Variants in ARHGAP5 observed in about 807,000 individuals in gnomAD.
ARHGAP5 encodes the protein Rho GTPase activating protein 5, also known as rho GTPase-activating protein 5.
ARHGAP5 carries 23 observed loss-of-function variants against 116.6 expected under a neutral mutation model. The observed-to-expected ratio is 0.20, with a 90% CI of 0.14 to 0.28. The LOEUF is 0.28. ARHGAP5 is among the 10% of genes least tolerant of loss of function. The pLI is 1.00. For synonymous variants in ARHGAP5, 574 were observed against 602.0 expected, an observed-to-expected ratio of 0.95 and a Z score of 0.68; for missense variants, 1,405 against 1,774.8, an observed-to-expected ratio of 0.79 and a Z score of 3.74.
chr14:32,113,111 C>A (rs563838627), intron 2 of ARHGAP5, among the ~76,000 whole-genome samples: 1 of 152,150 alleles, frequency 6.6e-6, no homozygotes, highest in Non-Finnish European at 1.5e-5. Flanking sequence ...TGAGTTGTTA[C>A]AAGTTTATAG....
chr14:32,082,487 TATGTC>T (rs781603522), intron 1 of ARHGAP5, among the ~76,000 whole-genome samples: 8 of 152,244 alleles, frequency 5.3e-5, no homozygotes, highest in Non-Finnish European at 7.3e-5. Context: ...TTGTATTTCT[TATGTC>T]TAGTAGCCAG....
chr14:32,140,114 CCT>C (rs1881045738), intron 3 of ARHGAP5, among the ~76,000 whole-genome samples: 6 of 15,112 alleles, frequency 4.0e-4, no homozygotes, highest in African/African-American at 8.2e-4. Context: ...TTTTTTTTTT[CCT>C]TTTTTTTTTT....
chr14:32,110,610 A>G (rs1879245518), intron 2 of ARHGAP5, among the ~76,000 whole-genome samples: 1 of 152,196 alleles, frequency 6.6e-6, no homozygotes, highest in South Asian at 2.1e-4. Flanking sequence ...AAAGGAGCGG[A>G]GTCCAAGGCA....
In ARHGAP5 at chr14:32,155,515, ATC is replaced by A. The variant is rs1881853894; in HGVS notation, c.*569_*570del. On this transcript the variant is annotated 3_prime_UTR_variant, in exon 7 of 7. Coordinates refer to ENST00000345122, the MANE Select transcript of ARHGAP5 (RefSeq NM_001030055.2). The stretch of plus-strand genomic sequence containing the variant: ...ACATATTTCACATTTCTGTACCTTC[ATC>A]TTTACTTCCAAGTAAACCCGTGGAT... 6.5e-6 allele frequency: 1 copy of A among 152,894 alleles called. No individual in the cohort carries two copies. The allele number at this position is 152,894 out of a possible 1,614,324, so 9.5% of individuals were successfully genotyped here.
intron 2 of ARHGAP5, among the ~76,000 whole-genome samples, chr14:32,112,434 TAA>T (rs967550182): frequency 6.6e-5 from 10 of 152,206 alleles, no homozygotes; most frequent in African/African-American, 2.2e-4. Flanking sequence ...GTTGGACACT[TAA>T]AGAGATGTAA....
chr14:32,150,132 A>C (rs940784376), intron 5 of ARHGAP5, 99 bp downstream of exon 5: 13 of 980,140 alleles, frequency 1.3e-5, no homozygotes, highest in Non-Finnish European at 8.3e-6. Context: ...ATATGTAGCT[A>C]ATAAAAATTA....
rs147957990 is a variant in ARHGAP5 at position 32,093,291 on chromosome 14, A to G, written c.2622A>G (p.Gln874=). ...GMLRAFLSEV[Q]DTIPVQLVAV... ...TTCGAGCATTTCTATCAGAAGTTCA[A>G]GACACCATTCCTGTACAGCTGGTGG... Residue 874 remains glutamine, a synonymous_variant, in exon 2 of 7, where the codon CAA becomes CAG. Transcript: ENST00000345122. 1.9e-5 allele frequency: 30 copies of G among 1,613,554 alleles called. No individual in the cohort carries two copies. The African/African-American group carries it at 2.0e-4, about 11-fold the overall frequency.
At chr14:32,094,525 C>T in intron 2 of ARHGAP5, 139 bp downstream of exon 2, 1 of 602,074 alleles carries the variant, frequency 1.7e-6, no homozygotes. Context: ...TCTGAGTATT[C>T]TGTGGGGATA....
At position 32,077,455 on chromosome 14, in the gene ARHGAP5, G is replaced by A. The variant is rs1170848080; in HGVS notation, c.-169+20G>A. 1 of 696,436 alleles carries A rather than the reference G, an allele frequency of 1.4e-6. No individual in the cohort carries two copies. Among genetic ancestry groups the A allele is most frequent in the Non-Finnish European group, 2.6e-6 (1 of 382,314 alleles). The allele number at this position is 696,436 out of a possible 1,614,324, so 43.1% of individuals were successfully genotyped here. ...TGTTAGGTAGGACCTTGCGGACCCCGCTCCTCCAAGCCTGCCTGCCCCCTC... is the reference window on the plus strand; with the variant it reads ...TGTTAGGTAGGACCTTGCGGACCCCACTCCTCCAAGCCTGCCTGCCCCCTC... On this transcript the variant is annotated intron_variant, in intron 1 of 6. Transcript: ENST00000345122.
At chr14:32,129,084 T>C (rs1330809429) in intron 3 of ARHGAP5, among the ~76,000 whole-genome samples, 2 of 152,196 alleles carry the variant, frequency 1.3e-5, no homozygotes, top group Non-Finnish European at 2.9e-5. Flanking sequence ...CATTTTTGCT[T>C]TTCTAGTTTG....
In ARHGAP5 at chr14:32,156,988, TATTA is replaced by T. The variant is rs1881919570; in HGVS notation, c.*2044_*2047del. On this transcript the variant is annotated 3_prime_UTR_variant, in exon 7 of 7. Transcript: ENST00000345122. Reference sequence around the variant, plus strand: ...ATTTAAGCTGTTCTCTTTTATACTGTATTAATTTAATGTTCATCTGCGTTTAGTA... The same window carrying T: ...ATTTAAGCTGTTCTCTTTTATACTGTATTTAATGTTCATCTGCGTTTAGTA... 6.6e-6 allele frequency: 1 copy of T among 152,414 alleles called. No individual in the cohort carries two copies. The allele number at this position is 152,414 out of a possible 1,614,324, so 9.4% of individuals were successfully genotyped here. A position where few individuals can be genotyped will look rare whatever the true frequency, so the allele number is the denominator to read the frequency against.
chr14:32,095,623 A>G (rs866485501), intron 2 of ARHGAP5, among the ~76,000 whole-genome samples: 5 of 151,934 alleles, frequency 3.3e-5, no homozygotes, highest in African/African-American at 1.2e-4. Flanking sequence ...TGTTGGTCAG[A>G]CTGGTCTTGA....
intron 6 of ARHGAP5, among the ~76,000 whole-genome samples, chr14:32,153,233 C>T (rs375164719): frequency 1.9e-4 from 28 of 148,484 alleles, no homozygotes; most frequent in East Asian, 1.4e-3. Context: ...ATGGTGAAAC[C>T]CCATCTCCAC....
At chr14:32,129,378 T>A (rs2139098104) in intron 3 of ARHGAP5, among the ~76,000 whole-genome samples, 1 of 152,310 alleles carries the variant, frequency 6.6e-6, no homozygotes, top group Non-Finnish European at 1.5e-5. Flanking sequence ...TTGCAGTTAA[T>A]CTGGAACGCC....
chr14:32,095,416 GTT>G (rs569892479), intron 2 of ARHGAP5, among the ~76,000 whole-genome samples: 22 of 101,404 alleles, frequency 2.2e-4, no homozygotes, highest in African/African-American at 6.8e-4. Flanking sequence ...TTTTTTTTTT[GTT>G]TTTTTTTTTT....
intron 3 of ARHGAP5, among the ~76,000 whole-genome samples, chr14:32,132,633 T>C (rs1348437759): frequency 6.6e-6 from 1 of 152,234 alleles, no homozygotes; most frequent in Non-Finnish European, 1.5e-5. Context: ...CCATTGCTTT[T>C]GGTGTTTTAG....
intron 1 of ARHGAP5, among the ~76,000 whole-genome samples, chr14:32,080,951 G>A (rs1188584736): frequency 6.6e-6 from 1 of 152,090 alleles, no homozygotes; most frequent in Non-Finnish European, 1.5e-5. Context: ...TATGTTACTT[G>A]CTTAGAGTCT....
chr14:32,100,445 A>G lies in ARHGAP5; in HGVS notation c.3717+6059A>G, dbSNP rs1594353874. Among the ~76,000 whole-genome samples, 3 of 152,240 alleles carry G rather than the reference A, an allele frequency of 2.0e-5. No individual in the cohort carries two copies. In the East Asian group the frequency reaches 5.8e-4, roughly 29 times the overall value. ...AACTCCTGGCCTCAAGCCGTCCTCT[A>G]CCTTGGCCTCCTAAAGTACTAGGAC... On this transcript the variant is annotated intron_variant, in intron 2 of 6. Coordinates refer to ENST00000345122, the MANE Select transcript of ARHGAP5 (RefSeq NM_001030055.2).
intron 1 of ARHGAP5, among the ~76,000 whole-genome samples, chr14:32,080,172 A>G (rs566659688): frequency 3.9e-5 from 6 of 151,926 alleles, no homozygotes; most frequent in Non-Finnish European, 8.8e-5. Context: ...TGGTTTTCAA[A>G]CTCTGTTCCT....
Sources: gnomAD v4.1 joint callset for allele counts (sites outside exome capture counted in the v4.1 genomes callset) on GRCh38, gnomAD v4.1.1 for gene constraint, MANE v1.5 for transcripts, NCBI Gene and HGNC (gene_info 2026-07-23, HGNC 2026-07-21) for gene names.